PLS1: variants seen among roughly 807,000 people sequenced by gnomAD.
The protein encoded by PLS1 is plastin 1, also known as plastin-1.
Under a neutral mutation model 73.7 loss-of-function variants are expected in PLS1, and 32 were observed. The observed-to-expected ratio is 0.43, with a 90% CI of 0.33 to 0.58. The LOEUF is 0.58. PLS1 is among the 20% of genes least tolerant of loss of function. The pLI, the probability that PLS1 is intolerant of heterozygous loss-of-function variation, is 0.04. For missense variants in PLS1, 633 were observed against 740.5 expected, an observed-to-expected ratio of 0.85 and a Z score of 1.68; for synonymous variants, 217 against 261.3, an observed-to-expected ratio of 0.83 and a Z score of 1.63.
Position 142,703,938 on chromosome 3 carries a change from G to A in PLS1, c.1442G>A (p.Gly481Glu), listed in dbSNP as rs1483902949. ...KAKFSLVGIA[G>E]QDLNEGNSTL... ...AAATTCTCCTTGGTTGGCATTGCTGGGCAGGACCTAAATGAAGGGAATTCA... is the reference window on the plus strand; with the variant it reads ...AAATTCTCCTTGGTTGGCATTGCTGAGCAGGACCTAAATGAAGGGAATTCA... Residue 481 changes from glycine (G) to glutamate (E), a missense_variant, in exon 13 of 16, where the codon GGG becomes GAG. Gly to Glu is a moderately conservative substitution (Grantham distance 98, BLOSUM62 -2). Transcript: ENST00000457734. 1.2e-6 allele frequency: 2 copies of A among 1,613,436 alleles called. No homozygotes were observed. Among genetic ancestry groups the A allele is most frequent in the African/African-American group, 2.7e-5 (2 of 74,860 alleles).
In PLS1 at chr3:142,684,409, T is replaced by C; in HGVS notation, c.888+14T>C. 1 of 1,603,234 alleles carries C rather than the reference T, an allele frequency of 6.2e-7. No homozygotes were observed. On this transcript the variant is annotated intron_variant, in intron 8 of 15. Transcript: ENST00000457734. ...CAAGACATTAAGGTTTATATTTAAA[T>C]GTTCAAATTTGTGACATGAAATAAG...
chr3:142,601,174 C>T (rs1577755223), intron 1 of PLS1, among the ~76,000 whole-genome samples: 2 of 150,860 alleles, frequency 1.3e-5, no homozygotes, highest in South Asian at 2.1e-4. Context: ...ATCCGCCCGC[C>T]TTGGCCTCCC....
intron 1 of PLS1, among the ~76,000 whole-genome samples, chr3:142,662,552 G>A (rs1258041400): frequency 2.0e-5 from 3 of 152,142 alleles, no homozygotes; most frequent in Non-Finnish European, 4.4e-5. Context: ...ATGTATCCCA[G>A]AACTTAAAGT....
At chr3:142,649,650 A>G (rs2037040235) in intron 1 of PLS1, among the ~76,000 whole-genome samples, 1 of 152,022 alleles carries the variant, frequency 6.6e-6, no homozygotes, top group African/African-American at 2.4e-5. Flanking sequence ...AAAAAAAAAA[A>G]GTGAATAGGA....
In PLS1 at chr3:142,600,917, T is replaced by TATATACA. The variant is rs1491180044; in HGVS notation, c.-37+4408_-37+4409insATATACA. On this transcript the variant is annotated intron_variant, in intron 1 of 15. Transcript: ENST00000457734. The stretch of plus-strand genomic sequence containing the variant: ...ATATATATATATATATATATATATA[T>TATATACA]TTTTTTTTTTTTTTTTTTTTTTTTG... Among the ~76,000 whole-genome samples, 3 of 11,872 alleles carry TATATACA rather than the reference T, an allele frequency of 2.5e-4. No individual in the cohort carries two copies. The South Asian group carries it at 0.014, about 54-fold the overall frequency. The allele number at this position is 11,872 out of a possible 152,430, so 7.8% of individuals were successfully genotyped here.
At chr3:142,661,146 G>A (rs979755525) in intron 1 of PLS1, among the ~76,000 whole-genome samples, 4 of 152,058 alleles carry the variant, frequency 2.6e-5, no homozygotes, top group African/African-American at 9.7e-5. Context: ...AGGGAATTAT[G>A]CTTAACAATC....
chr3:142,601,107 A>G (rs2035920056), intron 1 of PLS1, among the ~76,000 whole-genome samples: 1 of 147,372 alleles, frequency 6.8e-6, no homozygotes, highest in Admixed American at 6.8e-5. Context: ...TTTTATTTTT[A>G]GTAGAGACGG....
intron 10 of PLS1, among the ~76,000 whole-genome samples, chr3:142,691,680 C>T (rs950488208): frequency 6.6e-6 from 1 of 152,092 alleles, no homozygotes; most frequent in Non-Finnish European, 1.5e-5. Flanking sequence ...TGTCCTCATA[C>T]ATCTGCCAAA....
chr3:142,678,190 C>A (rs1005364601), intron 6 of PLS1, 77 bp downstream of exon 6: 3 of 608,626 alleles, frequency 4.9e-6, no homozygotes, highest in East Asian at 6.6e-5. Context: ...ATGCTTGGAC[C>A]CAGATAAAAC....
intron 1 of PLS1, among the ~76,000 whole-genome samples, chr3:142,622,368 C>T (rs1377984376): frequency 2.0e-5 from 3 of 152,168 alleles, no homozygotes; most frequent in Non-Finnish European, 2.9e-5. Context: ...ACGTAGAACA[C>T]TTTTTTCCTC....
At chr3:142,691,399 G>A (rs1200068063) in intron 10 of PLS1, among the ~76,000 whole-genome samples, 3 of 152,010 alleles carry the variant, frequency 2.0e-5, no homozygotes, top group East Asian at 3.9e-4. Context: ...GGTTTTATCA[G>A]TCTGGAAAAT....
At chr3:142,597,664 T>C (rs1175921568) in intron 1 of PLS1, among the ~76,000 whole-genome samples, 2 of 152,184 alleles carry the variant, frequency 1.3e-5, no homozygotes, top group African/African-American at 2.4e-5. Flanking sequence ...AGTTTACAAA[T>C]GAGAAAACTG....
chr3:142,703,445 GCCA>G (rs1260824488), intron 12 of PLS1, among the ~76,000 whole-genome samples: 1 of 151,902 alleles, frequency 6.6e-6, no homozygotes, highest in Non-Finnish European at 1.5e-5. Context: ...ACAGGCACCC[GCCA>G]CCACACCTGG....
At chr3:142,597,711 A>C (rs1337786184) in intron 1 of PLS1, among the ~76,000 whole-genome samples, 1 of 152,190 alleles carries the variant, frequency 6.6e-6, no homozygotes, top group Non-Finnish European at 1.5e-5. Context: ...GTGGCCACCC[A>C]AGCCCCTCAT....
In PLS1 at chr3:142,683,429, A is replaced by G. The variant is rs532104380; in HGVS notation, c.580-577A>G. On this transcript the variant is annotated intron_variant, in intron 6 of 15. Transcript: ENST00000457734. ...TGAGGCAGGAGAATGGCGTGAGCCC[A>G]GGAGGCGGAGCTTGCAGTGAGCCAA... 1.9e-4 allele frequency among the ~76,000 whole-genome samples: 29 copies of G among 152,340 alleles called. No individual in the cohort carries two copies. In the East Asian group the frequency reaches 5.2e-3, roughly 27 times the overall value.
At chr3:142,700,568 C>T (rs893082563) in intron 12 of PLS1, among the ~76,000 whole-genome samples, 7 of 152,250 alleles carry the variant, frequency 4.6e-5, no homozygotes, top group African/African-American at 1.2e-4. Flanking sequence ...GTGATCCACC[C>T]GCCTTGGCCT....
intron 1 of PLS1, among the ~76,000 whole-genome samples, chr3:142,632,597 A>AT (rs71153982): frequency 0.57 from 83,411 of 145,110 alleles, 23,964 homozygotes; most frequent in African/African-American, 0.65. Flanking sequence ...TTAGAGCAGG[A>AT]TTTTTTTTTT....
intron 8 of PLS1, among the ~76,000 whole-genome samples, chr3:142,685,170 A>G (rs1454372185): frequency 6.6e-6 from 1 of 152,158 alleles, no homozygotes; most frequent in African/African-American, 2.4e-5. Flanking sequence ...GCTTTCATCT[A>G]CTATACACTG....
chr3:142,679,091 A>G (rs1207123433), intron 6 of PLS1, among the ~76,000 whole-genome samples: 1 of 151,176 alleles, frequency 6.6e-6, no homozygotes, highest in Non-Finnish European at 1.5e-5. Flanking sequence ...GTGTCTGTTC[A>G]TGTCCTTCAC....
Sources: allele counts gnomAD v4.1 joint callset (sites outside exome capture counted in the v4.1 genomes callset), GRCh38; gene constraint gnomAD v4.1.1; transcripts MANE v1.5; gene names NCBI Gene and HGNC (gene_info 2026-07-23, HGNC 2026-07-21).